TAOK3: variants seen among roughly 807,000 people sequenced by gnomAD.
The protein encoded by TAOK3 is serine/threonine-protein kinase TAO3.
In TAOK3, 40 loss-of-function variants were observed where a neutral mutation model predicts 120.4. The observed-to-expected ratio is 0.33, with a 90% CI of 0.26 to 0.43. TAOK3 has a LOEUF of 0.43. TAOK3 is among the 20% of genes least tolerant of loss of function. The probability of loss-of-function intolerance (pLI) is 1.00; values close to 1 mark genes in which losing one functional copy is unlikely to be tolerated. For missense variants in TAOK3, 821 were observed against 1,112.1 expected (o/e 0.74, Z 3.72); for synonymous variants, 355 against 387.5 (o/e 0.92, Z 0.99).
intron 1 of TAOK3, among the ~76,000 whole-genome samples, chr12:118,302,737 A>G (rs1199948500): frequency 6.6e-6 from 1 of 152,254 alleles, no homozygotes; most frequent in Non-Finnish European, 1.5e-5. Flanking sequence ...ACAACTATTC[A>G]ATGCTGATAA....
At chr12:118,223,420 C>T (rs1157723814) in intron 9 of TAOK3, among the ~76,000 whole-genome samples, 8 of 151,666 alleles carry the variant, frequency 5.3e-5, no homozygotes, top group Middle Eastern at 3.2e-3. Flanking sequence ...GATCTTGGCT[C>T]GCTGCAATCT....
chr12:118,170,980 C>T (rs1940032385), intron 17 of TAOK3, among the ~76,000 whole-genome samples: 1 of 152,142 alleles, frequency 6.6e-6, no homozygotes, highest in Admixed American at 6.5e-5. Context: ...TAACACTGGG[C>T]TTTTCTCAGA....
At chr12:118,255,328 G>T in intron 3 of TAOK3, 120 bp downstream of exon 3, 1 of 1,047,080 alleles carries the variant, frequency 9.6e-7, no homozygotes, top group Non-Finnish European at 1.4e-6. Flanking sequence ...GCCTAGGCTG[G>T]TCTTTCCTCC....
chr12:118,317,091 C>A (rs7968965), intron 1 of TAOK3, among the ~76,000 whole-genome samples: 1 of 151,856 alleles, frequency 6.6e-6, no homozygotes. Context: ...GGCGAAGCCC[C>A]GTCTCTATTA....
At chr12:118,314,787 G>C (rs1206822094) in intron 1 of TAOK3, among the ~76,000 whole-genome samples, 1 of 152,010 alleles carries the variant, frequency 6.6e-6, no homozygotes, top group Non-Finnish European at 1.5e-5. Context: ...TTATTATCAA[G>C]ACCAGGTTTT....
In TAOK3 at chr12:118,272,007, C is replaced by T. The variant is rs146111765; in HGVS notation, c.-193-5248G>A. On this transcript the variant is annotated intron_variant, in intron 1 of 20. Transcript: ENST00000392533. ...GGCCAAATAAACAATCCAACTAGCA[C>T]GGAGTAGAAGATTTCATCAGAGATG... Among the ~76,000 whole-genome samples the T allele has an allele frequency of 9.2e-5, 14 of 152,294 alleles. 1 individual carries two copies. Among genetic ancestry groups the T allele is most frequent in the South Asian group, 4.1e-4 (2 of 4,822 alleles).
chr12:118,262,847 A>T (rs1294273208), intron 2 of TAOK3, among the ~76,000 whole-genome samples: 1 of 149,622 alleles, frequency 6.7e-6, no homozygotes, highest in Non-Finnish European at 1.5e-5. Flanking sequence ...AAAAAAAGCG[A>T]AATACTTAGG....
In TAOK3 at chr12:118,185,785, T is replaced by C. The variant is rs531497629; in HGVS notation, c.1329+4022A>G. ...GTGACCTCATTCATTCGTTCATTCA[T>C]TTATTCAATACACATTTATTGACAG... On this transcript the variant is annotated intron_variant, in intron 14 of 20. Transcript: ENST00000392533. Among the ~76,000 whole-genome samples, 8 of 152,366 alleles carry C rather than the reference T, an allele frequency of 5.3e-5. No homozygotes were observed. The East Asian group carries it at 1.3e-3, about 26-fold the overall frequency.
chr12:118,290,221 C>G (rs1183884467), intron 1 of TAOK3, among the ~76,000 whole-genome samples: 1 of 152,134 alleles, frequency 6.6e-6, no homozygotes, highest in Non-Finnish European at 1.5e-5. Flanking sequence ...CGTATGAAAT[C>G]CTCTGCGATC....
At chr12:118,155,949 C>T (rs1025146052) in intron 19 of TAOK3, among the ~76,000 whole-genome samples, 1 of 152,118 alleles carries the variant, frequency 6.6e-6, no homozygotes, top group African/African-American at 2.4e-5. Context: ...GTTGCCTAGG[C>T]TGGCCAAGAA....
chr12:118,304,232 C>T (rs2042973262), intron 1 of TAOK3, among the ~76,000 whole-genome samples: 1 of 152,184 alleles, frequency 6.6e-6, no homozygotes, highest in African/African-American at 2.4e-5. Context: ...ATTTCATTCA[C>T]TTAGAGGTAA....
At chr12:118,208,821 C>T (rs563356384) in intron 11 of TAOK3, among the ~76,000 whole-genome samples, 87 of 152,236 alleles carry the variant, frequency 5.7e-4, no homozygotes, top group African/African-American at 1.9e-3. Flanking sequence ...AAGTGATTCT[C>T]CTGCCTCAGC....
rs1173463113 is a variant in TAOK3 at position 118,217,797 on chromosome 12, A to ATGTG, written c.644-3691_644-3688dup. On this transcript the variant is annotated intron_variant, in intron 9 of 20. Coordinates refer to ENST00000392533, the MANE Select transcript of TAOK3 (RefSeq NM_016281.4). ...TGTATATATGTATATGTATGTATGT[A>ATGTG]TGTGTGTGTGTGTGTATACATATAT... Among the ~76,000 whole-genome samples the ATGTG allele has an allele frequency of 5.4e-3, 352 of 65,242 alleles. 8 individuals carry two copies. The highest frequency in any genetic ancestry group is 8.2e-3 in the Non-Finnish European group (251 of 30,508). 42.8% of individuals were successfully genotyped at this position (65,242 alleles called of 152,430 possible).
At chr12:118,163,769 T>C (rs971652557) in intron 17 of TAOK3, among the ~76,000 whole-genome samples, 11 of 152,070 alleles carry the variant, frequency 7.2e-5, no homozygotes, top group Admixed American at 6.5e-5. Context: ...TGGAGTGCAA[T>C]GGTGTGACTT....
intron 9 of TAOK3, among the ~76,000 whole-genome samples, chr12:118,226,725 T>A (rs745613977): frequency 2.4e-4 from 36 of 152,308 alleles, no homozygotes; most frequent in Non-Finnish European, 4.9e-4. Flanking sequence ...GAAGGCTACT[T>A]TGTCCTTTAG....
intron 2 of TAOK3, among the ~76,000 whole-genome samples, chr12:118,266,343 C>T (rs1415709649): frequency 6.8e-6 from 1 of 147,808 alleles, no homozygotes; most frequent in Non-Finnish European, 1.5e-5. Flanking sequence ...CAGACATGCG[C>T]CACCACGCCC....
intron 9 of TAOK3, among the ~76,000 whole-genome samples, chr12:118,219,592 G>A (rs2039119813): frequency 6.6e-6 from 1 of 151,666 alleles, no homozygotes; most frequent in Non-Finnish European, 1.5e-5. Flanking sequence ...ACATATCACA[G>A]CCCTAGTTAT....
intron 3 of TAOK3, among the ~76,000 whole-genome samples, chr12:118,245,306 G>C (rs987895721): frequency 2.6e-5 from 4 of 151,920 alleles, no homozygotes; most frequent in Admixed American, 6.6e-5. Context: ...AAAGTGCTGA[G>C]ATTACAGGTG....
intron 1 of TAOK3, among the ~76,000 whole-genome samples, chr12:118,346,407 A>G (rs1480037067): frequency 1.3e-5 from 2 of 152,238 alleles, no homozygotes; most frequent in Non-Finnish European, 2.9e-5. Context: ...AATGAAATGA[A>G]TAATTGTACA....
Sources: gnomAD v4.1 joint callset for allele counts (sites outside exome capture counted in the v4.1 genomes callset) on GRCh38, gnomAD v4.1.1 for gene constraint, MANE v1.5 for transcripts, NCBI Gene and HGNC (gene_info 2026-07-23, HGNC 2026-07-21) for gene names.